Variants in GPC5 observed in about 807,000 individuals in gnomAD.
The protein encoded by GPC5 is glypican 5.
A neutral mutation model predicts 53.9 loss-of-function variants in GPC5; 47 were observed. The observed-to-expected ratio is 0.87, with a 90% confidence interval of 0.69 to 1.11. The LOEUF (loss-of-function observed/expected upper bound fraction) is 1.11. GPC5 is among the 50% of genes most tolerant of loss of function. The pLI is 0.00. For synonymous variants in GPC5, 286 were observed against 263.3 expected, an observed-to-expected ratio of 1.09 and a Z score of -0.84; for missense variants, 748 against 713.1, an observed-to-expected ratio of 1.05 and a Z score of -0.56.
chr13:92,746,226 A>C (rs1339973113), intron 7 of GPC5, among the ~76,000 whole-genome samples: 1 of 152,114 alleles, frequency 6.6e-6, no homozygotes, highest in Non-Finnish European at 1.5e-5. Context: ...AGGTGCTTCA[A>C]AGGGATACCT....
chr13:91,942,575 C>T (rs1039902903), intron 6 of GPC5, among the ~76,000 whole-genome samples: 1 of 151,648 alleles, frequency 6.6e-6, no homozygotes, highest in African/African-American at 2.4e-5. Flanking sequence ...TTTTAATATG[C>T]AATATATTAC....
intron 6 of GPC5, among the ~76,000 whole-genome samples, chr13:92,071,062 C>A (rs1028311111): frequency 1.1e-4 from 17 of 152,080 alleles, no homozygotes; most frequent in African/African-American, 3.9e-4. Flanking sequence ...ATGGTTAAAC[C>A]CTGTCTCTAC....
intron 7 of GPC5, among the ~76,000 whole-genome samples, chr13:92,696,507 AT>A (rs1241367505): frequency 2.6e-5 from 4 of 152,152 alleles, no homozygotes; most frequent in Non-Finnish European, 5.9e-5. Flanking sequence ...TTTGAGAAGC[AT>A]CTGTTCATAG....
chr13:91,841,580 G>C (rs2038788485), intron 5 of GPC5, among the ~76,000 whole-genome samples: 1 of 148,630 alleles, frequency 6.7e-6, no homozygotes, highest in Non-Finnish European at 1.5e-5. Context: ...TGTAGAAGTA[G>C]TCAGCTTTAA....
chr13:92,673,180 T>G (rs567644723), intron 7 of GPC5, among the ~76,000 whole-genome samples: 2 of 152,312 alleles, frequency 1.3e-5, no homozygotes, highest in Admixed American at 6.5e-5. Context: ...AATGCAAGAT[T>G]TTAGCAGAGT....
At chr13:92,173,870 C>T (rs534849794) in intron 7 of GPC5, among the ~76,000 whole-genome samples, 43 of 152,196 alleles carry the variant, frequency 2.8e-4, no homozygotes, top group African/African-American at 1.0e-3. Context: ...TTTGGGAAGC[C>T]GAGGAAGGTG....
At chr13:92,713,682 C>A (rs1368470664) in intron 7 of GPC5, among the ~76,000 whole-genome samples, 1 of 151,116 alleles carries the variant, frequency 6.6e-6, no homozygotes, top group African/African-American at 2.4e-5. Context: ...TGAGATGACA[C>A]TACATACCTA....
chr13:91,756,210 C>A, intron 4 of GPC5, 85 bp from the exon 5 acceptor site: 1 of 960,632 alleles, frequency 1.0e-6, no homozygotes, highest in Non-Finnish European at 1.4e-6. Context: ...ATATCCTAAA[C>A]ATTATGTATA....
intron 7 of GPC5, among the ~76,000 whole-genome samples, chr13:92,793,253 A>C (rs1317775093): frequency 6.6e-6 from 1 of 152,194 alleles, no homozygotes; most frequent in Non-Finnish European, 1.5e-5. Context: ...ACACAACTGC[A>C]TGGAAACTGA....
chr13:92,082,708 T>C (rs1465991720), intron 6 of GPC5, among the ~76,000 whole-genome samples: 1 of 152,228 alleles, frequency 6.6e-6, no homozygotes, highest in African/African-American at 2.4e-5. Context: ...CTACAGAGTT[T>C]TATTATTGAG....
intron 6 of GPC5, among the ~76,000 whole-genome samples, chr13:91,966,016 A>G (rs2040177390): frequency 6.6e-6 from 1 of 152,172 alleles, no homozygotes. Context: ...TGTACTTACT[A>G]GAAACCAGCA....
At chr13:92,633,182 C>A (rs1885311102) in intron 7 of GPC5, among the ~76,000 whole-genome samples, 1 of 152,148 alleles carries the variant, frequency 6.6e-6, no homozygotes, top group South Asian at 2.1e-4. Flanking sequence ...CGTGAGCCAC[C>A]ACGCCCAGCC....
Position 91,839,921 on chromosome 13 carries a change from T to C in GPC5, c.1281-68016T>C, listed in dbSNP as rs571722666. The stretch of plus-strand genomic sequence containing the variant: ...GACATCATGGCAACGAAGGCATCTA[T>C]CATGGTCTGGAACTTGCTTTTTATA... On this transcript the variant is annotated intron_variant, in intron 5 of 7. Coordinates refer to ENST00000377067, the MANE Select transcript of GPC5 (RefSeq NM_004466.6). 1.4e-4 allele frequency among the ~76,000 whole-genome samples: 21 copies of C among 152,264 alleles called. No homozygotes were observed. The South Asian group carries it at 4.4e-3, about 32-fold the overall frequency.
At chr13:92,798,204 TG>T in intron 7 of GPC5, among the ~76,000 whole-genome samples, 1 of 151,990 alleles carries the variant, frequency 6.6e-6, no homozygotes, top group Middle Eastern at 3.4e-3. Context: ...GGTTGTTTTT[TG>T]GGTATTTTTT....
intron 2 of GPC5, among the ~76,000 whole-genome samples, chr13:91,558,844 G>T (rs1201009339): frequency 1.3e-5 from 2 of 151,948 alleles, no homozygotes; most frequent in African/African-American, 2.4e-5. Context: ...GTCATGAGGG[G>T]GTTGGACTTC....
chr13:91,810,493 T>C (rs1398001303), intron 5 of GPC5, among the ~76,000 whole-genome samples: 1 of 151,968 alleles, frequency 6.6e-6, no homozygotes, highest in African/African-American at 2.4e-5. Context: ...ATAAGAGAAC[T>C]CTCTCTTTTT....
intron 2 of GPC5, among the ~76,000 whole-genome samples, chr13:91,568,331 A>T (rs2031627910): frequency 6.6e-6 from 1 of 152,282 alleles, no homozygotes. Context: ...ATCTGAATCT[A>T]TATTTTAGCT....
intron 5 of GPC5, among the ~76,000 whole-genome samples, chr13:91,821,315 G>A (rs1459755952): frequency 2.0e-5 from 3 of 152,126 alleles, no homozygotes; most frequent in Non-Finnish European, 2.9e-5. Flanking sequence ...CATATGTCAA[G>A]TTTATATCCA....
chr13:91,593,435 G>A (rs187373148), intron 2 of GPC5, among the ~76,000 whole-genome samples: 2 of 151,432 alleles, frequency 1.3e-5, no homozygotes, highest in Admixed American at 1.3e-4. Context: ...ATTTTATTGT[G>A]ATAAGATGGA....
Sources: gnomAD v4.1 joint callset for allele counts (sites outside exome capture counted in the v4.1 genomes callset) on GRCh38, gnomAD v4.1.1 for gene constraint, MANE v1.5 for transcripts, NCBI Gene and HGNC (gene_info 2026-07-23, HGNC 2026-07-21) for gene names.